ANKRD11: variants seen among roughly 807,000 people sequenced by gnomAD.
ANKRD11 encodes the protein ankyrin repeat domain-containing protein 11.
A neutral mutation model predicts 195.7 loss-of-function variants in ANKRD11; 17 were observed. The ratio of observed to expected loss-of-function variants is 0.09; its 90% CI spans 0.06 to 0.13. The LOEUF (loss-of-function observed/expected upper bound fraction) is 0.13. Ranked by LOEUF, ANKRD11 falls within the 10% of genes least tolerant of loss-of-function variation. The pLI is 1.00. For missense variants in ANKRD11, 3,735 were observed against 3,566.1 expected (o/e 1.05, Z -1.21); for synonymous variants, 1,953 against 1,528.1 (o/e 1.28, Z -6.49).
intron 12 of ANKRD11, among the ~76,000 whole-genome samples, chr16:89,269,058 A>G (rs1461464554): frequency 1.3e-5 from 2 of 152,264 alleles, no homozygotes. Flanking sequence ...AGTAGAAACT[A>G]TGCCATTTAA....
intron 4 of ANKRD11, chr16:89,304,988 G>T: frequency 3.0e-6 from 2 of 667,438 alleles, no homozygotes; most frequent in Non-Finnish European, 4.9e-6. Context: ...CAAGAGTGAA[G>T]CTCTCCAATC....
At chr16:89,364,689 T>C (rs79644381) in intron 2 of ANKRD11, among the ~76,000 whole-genome samples, 4,478 of 152,306 alleles carry the variant, frequency 0.029, 150 homozygotes, top group African/African-American at 0.075. Context: ...CGTTTACAAA[T>C]TTGTGTTGGG....
chr16:89,331,345 C>T (rs1365924380), intron 2 of ANKRD11, among the ~76,000 whole-genome samples: 1 of 152,196 alleles, frequency 6.6e-6, no homozygotes, highest in African/African-American at 2.4e-5. Flanking sequence ...GCACAGTTCA[C>T]ATCATATATC....
At chr16:89,424,041 C>CA (rs2042619143) in intron 1 of ANKRD11, among the ~76,000 whole-genome samples, 1 of 151,964 alleles carries the variant, frequency 6.6e-6, no homozygotes, top group Non-Finnish European at 1.5e-5. Flanking sequence ...CCATAGTACT[C>CA]GACCAGTGAG....
At chr16:89,270,725 C>T in intron 12 of ANKRD11, 92 bp downstream of exon 12, 1 of 1,296,818 alleles carries the variant, frequency 7.7e-7, no homozygotes, top group African/African-American at 1.5e-5. Context: ...AGCGGCCTCC[C>T]CCCAGGCAGC....
At chr16:89,275,403 C>T (rs113451778) in intron 9 of ANKRD11, among the ~76,000 whole-genome samples, 5 of 152,218 alleles carry the variant, frequency 3.3e-5, no homozygotes, top group Admixed American at 6.5e-5. Context: ...CACGGTGCCC[C>T]GTACAGCACC....
chr16:89,349,396 C>T (rs1310223721), intron 2 of ANKRD11, among the ~76,000 whole-genome samples: 5 of 151,868 alleles, frequency 3.3e-5, no homozygotes, highest in South Asian at 2.1e-4. Context: ...AGGAGAATGG[C>T]GTGAACCCGG....
In ANKRD11 at chr16:89,379,056, G is replaced by A. The variant is rs528554225; in HGVS notation, c.-60+39228C>T. Among the ~76,000 whole-genome samples, 5 of 152,342 alleles carry A rather than the reference G, an allele frequency of 3.3e-5. No homozygotes were observed. In the East Asian group the frequency reaches 9.7e-4, roughly 29 times the overall value. On this transcript the variant is annotated intron_variant, in intron 2 of 12. Coordinates refer to ENST00000301030, the MANE Select transcript of ANKRD11 (RefSeq NM_013275.6). ...GAGGCATTCACTGTCGCTTAGAACT[G>A]AAAACTTAGGGTCGTCCATGCCCAG... is the stretch of plus-strand genomic sequence containing the variant.
At chr16:89,448,443 C>T (rs968396977) in intron 1 of ANKRD11, among the ~76,000 whole-genome samples, 6 of 152,162 alleles carry the variant, frequency 3.9e-5, no homozygotes, top group African/African-American at 1.2e-4. Flanking sequence ...CCAAATCACA[C>T]GAAAGTACTC....
intron 1 of ANKRD11, among the ~76,000 whole-genome samples, chr16:89,454,658 G>A (rs1460066461): frequency 1.4e-5 from 2 of 143,950 alleles, no homozygotes; most frequent in Non-Finnish European, 3.1e-5. Flanking sequence ...GTGCTTCCAG[G>A]GTTCCTCAAG....
intron 2 of ANKRD11, among the ~76,000 whole-genome samples, chr16:89,333,912 C>G (rs567208617): frequency 6.6e-6 from 1 of 152,174 alleles, no homozygotes; most frequent in Non-Finnish European, 1.5e-5. Context: ...GAGAGATAAA[C>G]TACTTTCTCA....
rs150675165 is a variant in ANKRD11 at position 89,334,658 on chromosome 16, C to A, written c.-59-17580G>T. 8.5e-5 allele frequency among the ~76,000 whole-genome samples: 13 copies of A among 152,218 alleles called. No individual in the cohort carries two copies. In the South Asian group the frequency reaches 1.9e-3, roughly 22 times the overall value. On this transcript the variant is annotated intron_variant, in intron 2 of 12. Transcript: ENST00000301030. ...AGTCTCAGCCACGCTCCATGAGGGG[C>A]CACATCCACGAGGGCCCAGGAGCAA...
At chr16:89,335,184 C>A (rs1360392208) in intron 2 of ANKRD11, among the ~76,000 whole-genome samples, 2 of 152,198 alleles carry the variant, frequency 1.3e-5, no homozygotes, top group Non-Finnish European at 2.9e-5. Context: ...AGGAAGTGAG[C>A]TCAGTGCGTG....
intron 2 of ANKRD11, among the ~76,000 whole-genome samples, chr16:89,369,457 G>A (rs949523915): frequency 3.3e-5 from 5 of 152,198 alleles, no homozygotes; most frequent in African/African-American, 1.2e-4. Flanking sequence ...AAGCTCTGCC[G>A]CAGCATGGGT....
intron 2 of ANKRD11, among the ~76,000 whole-genome samples, chr16:89,342,197 A>T (rs777991881): frequency 6.6e-6 from 1 of 152,256 alleles, no homozygotes; most frequent in Admixed American, 6.5e-5. Context: ...ACTGACAGGT[A>T]GGTCTCCACC....
intron 1 of ANKRD11, among the ~76,000 whole-genome samples, chr16:89,439,953 G>C (rs929713487): frequency 1.3e-5 from 2 of 152,212 alleles, no homozygotes; most frequent in Admixed American, 6.5e-5. Context: ...GGAGAGGCCT[G>C]TGTCTCTCAC....
chr16:89,296,748 A>C (rs2035463067), intron 4 of ANKRD11, among the ~76,000 whole-genome samples: 1 of 152,328 alleles, frequency 6.6e-6, no homozygotes, highest in Admixed American at 6.5e-5. Context: ...GGGAGCCGGA[A>C]GGCCGGGATG....
chr16:89,365,974 C>T (rs1567705372), intron 2 of ANKRD11, among the ~76,000 whole-genome samples: 1 of 151,914 alleles, frequency 6.6e-6, no homozygotes, highest in Non-Finnish European at 1.5e-5. Context: ...GGTTTTCTGT[C>T]CCTGCATTGG....
Position 89,283,965 on chromosome 16 carries a change from G to A in ANKRD11, c.2577C>T (p.Asp859=). ...TGTCCCTGTAGTCTGTCACTGGCGA[G>A]TCCCAGCTGTCCTCCCCTTTGAAAT... ...SFDFKGEDSW[D]SPVTDYRDMK... The change falls in exon 9 of 13, where the codon GAC becomes GAT. Residue 859 remains aspartate (D), a synonymous_variant. Coordinates refer to ENST00000301030, the MANE Select transcript of ANKRD11 (RefSeq NM_013275.6). The surrounding 1 kb of genome is among the most constrained non-coding windows in gnomAD (Gnocchi z 4.3). The A allele has an allele frequency of 6.2e-7, 1 of 1,614,128 alleles. No individual in the cohort carries two copies. The highest frequency in any genetic ancestry group is 8.5e-7 in the Non-Finnish European group (1 of 1,180,032).
Sources: allele counts gnomAD v4.1 joint callset (sites outside exome capture counted in the v4.1 genomes callset), GRCh38; gene constraint gnomAD v4.1.1; non-coding constraint Gnocchi (gnomAD v3.1); transcripts MANE v1.5; gene names NCBI Gene and HGNC (gene_info 2026-07-23, HGNC 2026-07-21).